The following MAST4 variants were observed in gnomAD, a reference collection of about 807,000 sequenced individuals.
The protein encoded by MAST4 is microtubule associated serine/threonine kinase family member 4, also known as microtubule-associated serine/threonine-protein kinase 4.
MAST4 carries 89 observed loss-of-function variants against 162.7 expected under a neutral mutation model. The observed-to-expected ratio is 0.55, with a 90% confidence interval of 0.46 to 0.65. The LOEUF (loss-of-function observed/expected upper bound fraction) is 0.65, where lower values mean the gene tolerates loss of function less well. Ranked by LOEUF, MAST4 falls within the 30% of genes least tolerant of loss-of-function variation. The pLI, the probability that MAST4 is intolerant of heterozygous loss-of-function variation, is 0.00. For synonymous variants in MAST4, 1,479 were observed against 1,361.1 expected (o/e 1.09, Z -1.91); for missense variants, 3,153 against 3,374.0 (o/e 0.93, Z 1.62).
At chr5:66,864,446 G>T (rs1044367671) in intron 3 of MAST4, among the ~76,000 whole-genome samples, 1 of 152,134 alleles carries the variant, frequency 6.6e-6, no homozygotes, top group Non-Finnish European at 1.5e-5. Context: ...CAGACAGGCC[G>T]CCAGGCTGGA....
chr5:67,162,236 TTATCTCTTAGTTAAGTTG>T (rs1773261540), intron 27 of MAST4, among the ~76,000 whole-genome samples: 1 of 152,230 alleles, frequency 6.6e-6, no homozygotes, highest in Admixed American at 6.5e-5. Flanking sequence ...TTACTTTGTA[TTATCTCTTAGTTAAGTTG>T]TGTCTGCATA....
At chr5:66,689,060 G>A (rs1184930631) in intron 1 of MAST4, among the ~76,000 whole-genome samples, 1 of 152,088 alleles carries the variant, frequency 6.6e-6, no homozygotes, top group African/African-American at 2.4e-5. Flanking sequence ...AAGGATCAGA[G>A]GGTCTCTTGG....
chr5:66,667,978 A>G (rs1481072355), intron 1 of MAST4, among the ~76,000 whole-genome samples: 1 of 152,180 alleles, frequency 6.6e-6, no homozygotes, highest in Non-Finnish European at 1.5e-5. Context: ...ATCATTTCCT[A>G]TTCACTATAT....
intron 1 of MAST4, among the ~76,000 whole-genome samples, chr5:66,653,408 G>A (rs376375085): frequency 6.6e-6 from 1 of 152,082 alleles, no homozygotes; most frequent in Non-Finnish European, 1.5e-5. Flanking sequence ...TTTCTTACTT[G>A]GTGGATCCTG....
chr5:66,967,066 A>G (rs1031455887), intron 4 of MAST4, among the ~76,000 whole-genome samples: 1 of 152,216 alleles, frequency 6.6e-6, no homozygotes, highest in Non-Finnish European at 1.5e-5. Flanking sequence ...GTTACCACAG[A>G]AAAAGCATGT....
chr5:66,868,546 A>G (rs1047663475), intron 3 of MAST4, among the ~76,000 whole-genome samples: 1 of 149,896 alleles, frequency 6.7e-6, no homozygotes, highest in African/African-American at 2.5e-5. Flanking sequence ...TTGAAAATTA[A>G]GGTTAGTTTA....
intron 6 of MAST4, among the ~76,000 whole-genome samples, chr5:67,094,777 C>A (rs1764249403): frequency 6.6e-6 from 1 of 152,226 alleles, no homozygotes; most frequent in South Asian, 2.1e-4. Context: ...CAAACTCCAA[C>A]TGAGAAACCA....
intron 1 of MAST4, among the ~76,000 whole-genome samples, chr5:66,714,032 G>C (rs1750661864): frequency 6.6e-6 from 1 of 152,336 alleles, no homozygotes; most frequent in South Asian, 2.1e-4. Flanking sequence ...AGATAGGAAA[G>C]TTGAGACACA....
chr5:67,007,173 A>G (rs919472164), intron 4 of MAST4, among the ~76,000 whole-genome samples: 3 of 152,202 alleles, frequency 2.0e-5, no homozygotes, highest in Non-Finnish European at 4.4e-5. Flanking sequence ...TTCTGGCTCC[A>G]TGTCCTTCCC....
chr5:66,848,636 G>A (rs1427393256), intron 3 of MAST4, among the ~76,000 whole-genome samples: 1 of 152,152 alleles, frequency 6.6e-6, no homozygotes, highest in Non-Finnish European at 1.5e-5. Flanking sequence ...GTTCTCATCT[G>A]TCGACTCTTA....
chr5:66,797,987 C>T (rs1336253064), intron 3 of MAST4, among the ~76,000 whole-genome samples: 1 of 152,198 alleles, frequency 6.6e-6, no homozygotes, highest in Non-Finnish European at 1.5e-5. Flanking sequence ...AGAATACCAC[C>T]ACCACCACTC....
intron 1 of MAST4, among the ~76,000 whole-genome samples, chr5:66,607,590 C>A (rs1176262268): frequency 2.0e-5 from 3 of 152,176 alleles, no homozygotes; most frequent in Non-Finnish European, 4.4e-5. Context: ...GGGCTGTACT[C>A]AGTTCTCAGG....
intron 3 of MAST4, among the ~76,000 whole-genome samples, chr5:66,807,681 G>T (rs1756266026): frequency 6.6e-6 from 1 of 151,966 alleles, no homozygotes; most frequent in African/African-American, 2.4e-5. Flanking sequence ...CTGCATAGAG[G>T]AATTTGCATT....
chr5:66,905,994 T>C (rs79239043), intron 4 of MAST4, among the ~76,000 whole-genome samples: 4,996 of 152,286 alleles, frequency 0.033, 152 homozygotes, highest in African/African-American at 0.076. Context: ...AGATTCTCTA[T>C]AGAATGTAGA....
chr5:66,852,738 G>C (rs1293234128), intron 3 of MAST4, among the ~76,000 whole-genome samples: 1 of 152,198 alleles, frequency 6.6e-6, no homozygotes, highest in Non-Finnish European at 1.5e-5. Context: ...AGTTCTCGGA[G>C]CTCCATTGTG....
chr5:66,933,731 G>A (rs1742419017), intron 4 of MAST4, among the ~76,000 whole-genome samples: 1 of 152,114 alleles, frequency 6.6e-6, no homozygotes, highest in Non-Finnish European at 1.5e-5. Flanking sequence ...AAACCAAGTG[G>A]TAGTAGTTTG....
At chr5:67,013,733 A>G (rs530654738) in intron 4 of MAST4, among the ~76,000 whole-genome samples, 3 of 152,176 alleles carry the variant, frequency 2.0e-5, no homozygotes, top group Non-Finnish European at 4.4e-5. Context: ...TAAATTGGGA[A>G]TTATAATAAT....
intron 3 of MAST4, among the ~76,000 whole-genome samples, chr5:66,857,531 T>G (rs1435190161): frequency 2.6e-5 from 4 of 152,332 alleles, no homozygotes; most frequent in Middle Eastern, 3.4e-3. Flanking sequence ...AGCAGATCTG[T>G]TTTCTTTTAT....
chr5:66,952,584 A>C (rs1372745307), intron 4 of MAST4, among the ~76,000 whole-genome samples: 1 of 152,118 alleles, frequency 6.6e-6, no homozygotes, highest in African/African-American at 2.4e-5. Flanking sequence ...ACAATCCTTG[A>C]GACCCAAACT....
Sources: gnomAD v4.1 joint callset for allele counts (sites outside exome capture counted in the v4.1 genomes callset) on GRCh38, gnomAD v4.1.1 for gene constraint, MANE v1.5 for transcripts, NCBI Gene and HGNC (gene_info 2026-07-23, HGNC 2026-07-21) for gene names.